The following RBFOX1 variants were observed in gnomAD, a reference collection of about 807,000 sequenced individuals.
RBFOX1 encodes the protein RNA binding protein fox-1 homolog 1.
Under a neutral mutation model 57.7 loss-of-function variants are expected in RBFOX1, and 8 were observed. The ratio of observed to expected loss-of-function variants is 0.14; its 90% confidence interval spans 0.08 to 0.25. The LOEUF (loss-of-function observed/expected upper bound fraction) is 0.25. Among genes scored for constraint, RBFOX1 ranks in the 10% least tolerant of loss-of-function variants. RBFOX1 has a pLI of 1.00. For synonymous variants in RBFOX1, 326 were observed against 222.4 expected (o/e 1.47, Z -4.15); for missense variants, 611 against 548.5 (o/e 1.11, Z -1.14).
chr16:5,516,491 T>A (rs1344531471), intron 2 of RBFOX1, among the ~76,000 whole-genome samples: 1 of 152,254 alleles, frequency 6.6e-6, no homozygotes, highest in Admixed American at 6.5e-5. Context: ...TTAATAAGCA[T>A]AATAATGTCC....
chr16:7,404,653 C>G (rs990588721), intron 4 of RBFOX1, among the ~76,000 whole-genome samples: 2 of 152,166 alleles, frequency 1.3e-5, no homozygotes, highest in Admixed American at 1.3e-4. Context: ...GTGCTGCCAG[C>G]GTTGGAAATA....
intron 1 of RBFOX1, among the ~76,000 whole-genome samples, chr16:6,058,011 G>A (rs1051515542): frequency 6.6e-6 from 1 of 151,866 alleles, no homozygotes; most frequent in Non-Finnish European, 1.5e-5. Flanking sequence ...GGCCTGACCC[G>A]GGTTCTTCAC....
intron 2 of RBFOX1, among the ~76,000 whole-genome samples, chr16:6,528,168 G>T (rs9925034): frequency 6.6e-6 from 1 of 151,816 alleles, no homozygotes; most frequent in South Asian, 2.1e-4. Context: ...CTTTGTCTTC[G>T]GCACTTTTAT....
intron 1 of RBFOX1, among the ~76,000 whole-genome samples, chr16:5,273,377 A>G (rs1037958245): frequency 3.9e-5 from 6 of 152,154 alleles, no homozygotes; most frequent in African/African-American, 1.2e-4. Context: ...ATTGGAGATA[A>G]TATAATGATG....
At chr16:7,270,134 A>G (rs2095282116) in intron 4 of RBFOX1, among the ~76,000 whole-genome samples, 1 of 152,348 alleles carries the variant, frequency 6.6e-6, no homozygotes, top group Non-Finnish European at 1.5e-5. Flanking sequence ...TGGAGCTAAG[A>G]TGGGAACCCA....
At chr16:7,191,005 T>G (rs1051288958) in intron 4 of RBFOX1, among the ~76,000 whole-genome samples, 4 of 152,078 alleles carry the variant, frequency 2.6e-5, no homozygotes, top group African/African-American at 9.7e-5. Context: ...AGTGTATGCC[T>G]GTCTCCCACC....
intron 1 of RBFOX1, among the ~76,000 whole-genome samples, chr16:5,374,265 A>C (rs2065932809): frequency 6.6e-6 from 1 of 152,226 alleles, no homozygotes; most frequent in Non-Finnish European, 1.5e-5. Context: ...TATTTATAGC[A>C]ATGCAAGAAT....
At chr16:6,475,913 T>C (rs1399552788) in intron 2 of RBFOX1, among the ~76,000 whole-genome samples, 1 of 152,204 alleles carries the variant, frequency 6.6e-6, no homozygotes, top group Non-Finnish European at 1.5e-5. Context: ...TTTATAAAAA[T>C]CTTTAGTGCA....
rs17140895 is a variant in RBFOX1 at position 6,670,436 on chromosome 16, A to G, written c.-16+15786A>G. On this transcript the variant is annotated intron_variant, in intron 3 of 15. Transcript: ENST00000550418. ...TCATGTTGATTGAATTCACCAATTC[A>G]TAAGTTGACAAATCTTAATTTTGCC... Among the ~76,000 whole-genome samples, 256 of 152,318 alleles carry G rather than the reference A, an allele frequency of 1.7e-3. 1 individual carries two copies. The East Asian group carries it at 0.028, about 17-fold the overall frequency.
intron 1 of RBFOX1, among the ~76,000 whole-genome samples, chr16:6,044,353 G>A (rs1213827043): frequency 1.3e-5 from 2 of 152,168 alleles, no homozygotes; most frequent in Admixed American, 6.5e-5. Flanking sequence ...AGGTCCTTAG[G>A]ATGTATACAG....
chr16:6,881,085 C>T (rs1471903252), intron 3 of RBFOX1, among the ~76,000 whole-genome samples: 1 of 152,158 alleles, frequency 6.6e-6, no homozygotes, highest in Non-Finnish European at 1.5e-5. Context: ...CACTTTTACC[C>T]ACTGAGTCTG....
At position 5,947,672 on chromosome 16, in the gene RBFOX1, A is replaced by C. The variant is rs924499754; in HGVS notation, c.351+80337A>C. Among the ~76,000 whole-genome samples the C allele has an allele frequency of 6.6e-6, 1 of 151,876 alleles. No homozygotes were observed. The highest frequency in any genetic ancestry group is 1.5e-5 in the Non-Finnish European group (1 of 67,980). ...GCATCCCTTACCATCTTCCTTCTCT[A>C]TTGTAAATCTGCCCTTTTGAGAGAG... On this transcript the variant is annotated intron_variant, in intron 4 of 19. Coordinates refer to the RBFOX1 transcript ENST00000641259. The surrounding 1 kb of genome is among the most constrained non-coding windows in gnomAD (Gnocchi z 7.2).
intron 2 of RBFOX1, among the ~76,000 whole-genome samples, chr16:6,484,084 G>A (rs2095422232): frequency 6.6e-6 from 1 of 152,114 alleles, no homozygotes; most frequent in African/African-American, 2.4e-5. Context: ...GAAGTTAGTG[G>A]GCAACTTCCT....
chr16:7,217,040 C>CT (rs2092205270), intron 4 of RBFOX1, among the ~76,000 whole-genome samples: 1 of 118,414 alleles, frequency 8.4e-6, no homozygotes, highest in African/African-American at 3.2e-5. Flanking sequence ...TCCCTCCCTC[C>CT]CTCCCTCCCT....
intron 1 of RBFOX1, among the ~76,000 whole-genome samples, chr16:6,062,900 G>A (rs954191231): frequency 6.6e-6 from 1 of 152,050 alleles, no homozygotes; most frequent in Admixed American, 6.6e-5. Flanking sequence ...TAGGCCAGCT[G>A]GCTGGAAACT....
At chr16:5,659,396 C>A (rs190914607) in intron 3 of RBFOX1, among the ~76,000 whole-genome samples, 2 of 151,584 alleles carry the variant, frequency 1.3e-5, no homozygotes, top group East Asian at 3.9e-4. Context: ...CTCTGCCTCC[C>A]GGGTTCACGT....
intron 3 of RBFOX1, among the ~76,000 whole-genome samples, chr16:6,816,651 A>C (rs113615746): frequency 0.09 from 13,630 of 150,666 alleles, 964 homozygotes; most frequent in African/African-American, 0.19. Flanking sequence ...GAGGCAGGAG[A>C]ATGGCGTGAA....
chr16:5,451,262 T>C (rs918446583), intron 1 of RBFOX1, among the ~76,000 whole-genome samples: 2 of 152,080 alleles, frequency 1.3e-5, no homozygotes, highest in African/African-American at 4.8e-5. Context: ...AACAAAGATA[T>C]CCTGCTGAAG....
chr16:7,549,507 AAT>A (rs2085663760), intron 5 of RBFOX1, among the ~76,000 whole-genome samples: 1 of 152,144 alleles, frequency 6.6e-6, no homozygotes, highest in African/African-American at 2.4e-5. Context: ...ACGTGATTAC[AAT>A]AGGTCGTCTG....
Sources: allele counts gnomAD v4.1 joint callset (sites outside exome capture counted in the v4.1 genomes callset), GRCh38; gene constraint gnomAD v4.1.1; non-coding constraint Gnocchi (gnomAD v3.1); transcripts MANE v1.5; gene names NCBI Gene and HGNC (gene_info 2026-07-23, HGNC 2026-07-21).